The following TMEM217B variants were observed in gnomAD, a reference collection of about 807,000 sequenced individuals.
TMEM217B encodes transmembrane protein 217B, also known as putative transmembrane protein 217B.
the TMEM217B span, chr6:37,257,720 C>T: frequency 1.7e-6 from 1 of 579,422 alleles, no homozygotes; most frequent in Non-Finnish European, 3.0e-6. Flanking sequence ...GTCGGCCCGT[C>T]CACGGCTTGC....
At chr6:37,229,335 GTTTT>G in the TMEM217B span, among the ~76,000 whole-genome samples, 23 of 74,362 alleles carry the variant, frequency 3.1e-4, no homozygotes, top group African/African-American at 1.1e-3. Flanking sequence ...GCAACTTTCA[GTTTT>G]TTTTTTTTTT....
the TMEM217B span, chr6:37,257,738 A>C: frequency 1.3e-5 from 8 of 633,454 alleles, no homozygotes; most frequent in African/African-American, 1.9e-5. Flanking sequence ...TGCGCAGCTC[A>C]CCAATGGCAG....
chr6:37,257,780 G>C, the TMEM217B span: 13 of 932,404 alleles, frequency 1.4e-5, no homozygotes, highest in African/African-American at 2.2e-4. Flanking sequence ...CCACATCCAA[G>C]ATGGCGTCCC....
chr6:37,227,085 C>T, the TMEM217B span, among the ~76,000 whole-genome samples: 5 of 152,242 alleles, frequency 3.3e-5, no homozygotes, highest in Non-Finnish European at 7.3e-5. Context: ...GAACTCACAA[C>T]TTTCTGCCTC....
chr6:37,252,614 T>TAC, the TMEM217B span, among the ~76,000 whole-genome samples: 4 of 89,398 alleles, frequency 4.5e-5, no homozygotes, highest in Admixed American at 1.4e-4. Context: ...TGTGTATGTG[T>TAC]GTGTATATAT....
the TMEM217B span, among the ~76,000 whole-genome samples, chr6:37,225,603 T>C: frequency 2.6e-5 from 4 of 152,224 alleles, no homozygotes; most frequent in African/African-American, 9.7e-5. Context: ...CTAAAACAGA[T>C]AGCAAACGTC....
the TMEM217B span, chr6:37,219,097 AC>A: frequency 6.7e-7 from 1 of 1,489,404 alleles, no homozygotes; most frequent in Non-Finnish European, 9.1e-7. Flanking sequence ...ATGGTAAATT[AC>A]CAGGGTTTCT....
At chr6:37,226,497 C>T in the TMEM217B span, among the ~76,000 whole-genome samples, 8 of 151,298 alleles carry the variant, frequency 5.3e-5, no homozygotes, top group Non-Finnish European at 8.8e-5. Context: ...CGGGGTTTCA[C>T]CGTGTTAGCC....
chr6:37,212,440 C>A, the TMEM217B span: 1 of 430,488 alleles, frequency 2.3e-6, no homozygotes. Context: ...GTACAACATT[C>A]CCAGACGGAC....
the TMEM217B span, chr6:37,219,034 G>T: frequency 1.9e-6 from 3 of 1,610,666 alleles, no homozygotes; most frequent in Non-Finnish European, 2.5e-6. Flanking sequence ...GTTTCATGCT[G>T]AGACCTCCTG....
chr6:37,228,506 C>T, the TMEM217B span, among the ~76,000 whole-genome samples: 8 of 152,280 alleles, frequency 5.3e-5, no homozygotes, highest in African/African-American at 1.7e-4. Flanking sequence ...GAGTTTGAGA[C>T]CAGCCTGACC....
chr6:37,243,884 G>A, the TMEM217B span, among the ~76,000 whole-genome samples: 38 of 152,296 alleles, frequency 2.5e-4, no homozygotes, highest in Admixed American at 2.0e-3. Flanking sequence ...CTCTGGATGG[G>A]GGGGTGCACA....
chr6:37,213,038 A>G, the TMEM217B span: 1 of 1,352,378 alleles, frequency 7.4e-7, no homozygotes, highest in East Asian at 2.5e-5. Context: ...AAGATGGCAG[A>G]GGTAGCCTTA....
At chr6:37,238,824 T>C in the TMEM217B span, among the ~76,000 whole-genome samples, 1 of 152,242 alleles carries the variant, frequency 6.6e-6, no homozygotes, top group Admixed American at 6.5e-5. Context: ...AGTATTGATA[T>C]ATGATTTTAA....
chr6:37,230,062 G>A, the TMEM217B span, among the ~76,000 whole-genome samples: 1 of 152,196 alleles, frequency 6.6e-6, no homozygotes, highest in African/African-American at 2.4e-5. Flanking sequence ...CTGGCTGTTA[G>A]CTGAGGGCCA....
the TMEM217B span, among the ~76,000 whole-genome samples, chr6:37,254,703 C>T: frequency 1.8e-4 from 27 of 152,280 alleles, no homozygotes; most frequent in African/African-American, 5.5e-4. Flanking sequence ...ATTTACTAAG[C>T]ACTCACTATG....
chr6:37,254,870 A>AG, the TMEM217B span, among the ~76,000 whole-genome samples: 4 of 151,872 alleles, frequency 2.6e-5, no homozygotes, highest in African/African-American at 9.7e-5. Context: ...ATTTTGGGGG[A>AG]GGGGGGTTAA....
At chr6:37,213,127 G>T in the TMEM217B span, 1 of 664,338 alleles carries the variant, frequency 1.5e-6, no homozygotes, top group Non-Finnish European at 2.6e-6. Context: ...TAGGCTGGAA[G>T]TTAAGGGACA....
chr6:37,216,016 T>TGTGC, the TMEM217B span, among the ~76,000 whole-genome samples: 1 of 150,632 alleles, frequency 6.6e-6, no homozygotes. Context: ...TGTGTGTGTG[T>TGTGC]GTGTGTGTGT....
Sources: gnomAD v4.1 joint callset for allele counts (sites outside exome capture counted in the v4.1 genomes callset) on GRCh38, gnomAD v4.1.1 for gene constraint, MANE v1.5 for transcripts, NCBI Gene and HGNC (gene_info 2026-07-23, HGNC 2026-07-21) for gene names.